Variants in TECRL observed in about 807,000 individuals in gnomAD.
TECRL encodes trans-2,3-enoyl-CoA reductase-like.
Under a neutral mutation model 52.8 loss-of-function variants are expected in TECRL, and 63 were observed. The ratio of observed to expected loss-of-function variants is 1.19; its 90% confidence interval spans 0.97 to 1.47. TECRL has a LOEUF of 1.47. Among genes scored for constraint, TECRL ranks in the 40% most tolerant of loss-of-function variants. The probability of loss-of-function intolerance (pLI) is 0.00; values close to 1 mark genes in which losing one functional copy is unlikely to be tolerated. For missense variants in TECRL, 482 were observed against 429.6 expected (o/e 1.12, Z -1.08); for synonymous variants, 164 against 141.9 (o/e 1.16, Z -1.10).
chr4:64,307,706 C>A (rs964559921), intron 6 of TECRL, among the ~76,000 whole-genome samples: 7 of 152,144 alleles, frequency 4.6e-5, no homozygotes, highest in East Asian at 1.9e-4. Context: ...TTTATAGAGG[C>A]CTTCCAGAAT....
intron 2 of TECRL, among the ~76,000 whole-genome samples, chr4:64,335,121 C>T (rs1238339865): frequency 2.0e-5 from 3 of 152,182 alleles, no homozygotes; most frequent in African/African-American, 7.2e-5. Flanking sequence ...GGGCCACAGA[C>T]CAGTCCTGGT....
chr4:64,393,035 T>C (rs367609022), intron 1 of TECRL, among the ~76,000 whole-genome samples: 1 of 151,942 alleles, frequency 6.6e-6, no homozygotes, highest in East Asian at 1.9e-4. Flanking sequence ...TGCTGTAGTA[T>C]CATTTGTGCT....
chr4:64,390,442 G>A (rs1577980937), intron 1 of TECRL, among the ~76,000 whole-genome samples: 1 of 151,810 alleles, frequency 6.6e-6, no homozygotes, highest in South Asian at 2.1e-4. Flanking sequence ...GAAGTTTTAA[G>A]AGCCATTATG....
chr4:64,277,251 G>A (rs897450549), downstream of TECRL, among the ~76,000 whole-genome samples: 3 of 151,812 alleles, frequency 2.0e-5, no homozygotes, highest in African/African-American at 7.2e-5. Context: ...CCTTCTTCTA[G>A]TCCTACAAGA....
At chr4:64,360,238 A>G (rs79059571) in intron 2 of TECRL, among the ~76,000 whole-genome samples, 3,063 of 106,240 alleles carry the variant, frequency 0.029, 102 homozygotes, top group African/African-American at 0.089. Flanking sequence ...AGATAAATTC[A>G]GTGGGAGATA....
chr4:64,309,092 C>G (rs917882184), intron 6 of TECRL, among the ~76,000 whole-genome samples: 1 of 152,022 alleles, frequency 6.6e-6, no homozygotes, highest in Admixed American at 6.6e-5. Context: ...ATTGTAATAT[C>G]TTCTATTAAA....
At chr4:64,277,648 T>C (rs1722619293), downstream of TECRL, 1 of 151,848 alleles carries the variant, frequency 6.6e-6, no homozygotes, top group African/African-American at 2.4e-5. Flanking sequence ...TAGTTGTATA[T>C]GTGTATATAG....
At chr4:64,397,846 C>T (rs1319693212) in intron 1 of TECRL, 1 of 151,818 alleles carries the variant, frequency 6.6e-6, no homozygotes, top group Non-Finnish European at 1.5e-5. Context: ...GTAGCTCAAA[C>T]TGACTTAAAC....
chr4:64,305,134 T>C, intron 7 of TECRL, 32 bp downstream of exon 7: 3 of 1,538,958 alleles, frequency 1.9e-6, no homozygotes, highest in Non-Finnish European at 2.7e-6. Context: ...GGTCCTTTAG[T>C]ATACGGTTAG....
At chr4:64,323,097 T>C (rs554255240) in intron 3 of TECRL, among the ~76,000 whole-genome samples, 1 of 152,154 alleles carries the variant, frequency 6.6e-6, no homozygotes, top group East Asian at 1.9e-4. Context: ...CATACAGGAA[T>C]TTTTTTAAAG....
intron 2 of TECRL, among the ~76,000 whole-genome samples, chr4:64,372,665 G>T (rs1722056400): frequency 6.6e-6 from 1 of 151,388 alleles, no homozygotes; most frequent in Non-Finnish European, 1.5e-5. Flanking sequence ...AAAATATCAG[G>T]ATTAATCAAA....
chr4:64,335,508 T>G (rs1490373230), intron 2 of TECRL, among the ~76,000 whole-genome samples: 6 of 152,162 alleles, frequency 3.9e-5, no homozygotes, highest in Admixed American at 3.9e-4. Context: ...AAGTGCAAAA[T>G]AAATGTAATG....
chr4:64,297,633 T>A (rs1474378258), intron 8 of TECRL, among the ~76,000 whole-genome samples: 1 of 151,218 alleles, frequency 6.6e-6, no homozygotes, highest in Non-Finnish European at 1.5e-5. Context: ...ATATGCTGAC[T>A]ATTCTTTCCA....
At chr4:64,289,850 T>A (rs1723282429) in intron 8 of TECRL, 83 bp from the exon 9 acceptor site, 2 of 827,204 alleles carry the variant, frequency 2.4e-6, no homozygotes, top group Non-Finnish European at 3.5e-6. Flanking sequence ...ATATAAAATC[T>A]GTGTTGTACA....
chr4:64,321,810 T>G (rs1228737091), intron 4 of TECRL, among the ~76,000 whole-genome samples: 3 of 152,176 alleles, frequency 2.0e-5, no homozygotes, highest in Admixed American at 1.3e-4. Context: ...AATAATATTT[T>G]CACAGGCTGA....
chr4:64,317,084 C>T (rs576569496), intron 4 of TECRL, among the ~76,000 whole-genome samples: 1 of 152,198 alleles, frequency 6.6e-6, no homozygotes, highest in East Asian at 1.9e-4. Flanking sequence ...CGAGACCATC[C>T]TGGCTAACAC....
At chr4:64,291,297 C>T (rs1303563974) in intron 8 of TECRL, among the ~76,000 whole-genome samples, 1 of 151,908 alleles carries the variant, frequency 6.6e-6, no homozygotes, top group Non-Finnish European at 1.5e-5. Context: ...ACAGATTATC[C>T]TACAGTAATC....
chr4:64,381,393 C>A (rs1420330726), intron 1 of TECRL, among the ~76,000 whole-genome samples: 2 of 143,538 alleles, frequency 1.4e-5, no homozygotes, highest in Non-Finnish European at 3.1e-5. Flanking sequence ...TCTTCTTTTT[C>A]TTTCCTGATT....
At chr4:64,342,516 TAA>T (rs1173203063) in intron 2 of TECRL, among the ~76,000 whole-genome samples, 1 of 152,014 alleles carries the variant, frequency 6.6e-6, no homozygotes, top group Non-Finnish European at 1.5e-5. Context: ...CTGTTACTTA[TAA>T]TCCTTTCCCT....
Sources: gnomAD v4.1 joint callset for allele counts (sites outside exome capture counted in the v4.1 genomes callset) on GRCh38, gnomAD v4.1.1 for gene constraint, MANE v1.5 for transcripts, NCBI Gene and HGNC (gene_info 2026-07-23, HGNC 2026-07-21) for gene names.